The following WDR70 variants were observed in gnomAD, a reference collection of about 807,000 sequenced individuals.
The protein encoded by WDR70 is WD repeat-containing protein 70.
A neutral mutation model predicts 88.6 loss-of-function variants in WDR70; 53 were observed. The ratio of observed to expected loss-of-function variants is 0.60; its 90% CI spans 0.48 to 0.75. WDR70 has a LOEUF of 0.75. Ranked by LOEUF, WDR70 falls within the 30% of genes least tolerant of loss-of-function variation. The pLI, the probability that WDR70 is intolerant of heterozygous loss-of-function variation, is 0.00. For synonymous variants in WDR70, 280 were observed against 270.0 expected (o/e 1.04, Z -0.36); for missense variants, 610 against 823.2 (o/e 0.74, Z 3.17).
At chr5:37,457,902 C>G (rs1052598159) in intron 7 of WDR70, among the ~76,000 whole-genome samples, 4 of 151,150 alleles carry the variant, frequency 2.6e-5, no homozygotes, top group African/African-American at 7.3e-5. Context: ...CTGTCTTGTG[C>G]CAGTTTTCAA....
intron 10 of WDR70, among the ~76,000 whole-genome samples, chr5:37,621,993 C>A (rs1435303347): frequency 6.6e-6 from 1 of 152,156 alleles, no homozygotes; most frequent in Non-Finnish European, 1.5e-5. Context: ...GGAATAGTTT[C>A]CCCATTTCTT....
chr5:37,471,428 T>G (rs1003929729), intron 7 of WDR70, among the ~76,000 whole-genome samples: 5 of 151,910 alleles, frequency 3.3e-5, no homozygotes, highest in Admixed American at 3.3e-4. Context: ...CTCAAATGGT[T>G]AAATCTTTTG....
rs915082465 is a variant in WDR70 at position 37,610,231 on chromosome 5, G to A, written c.1092+4993G>A. Among the ~76,000 whole-genome samples, 19 of 145,576 alleles carry A rather than the reference G, an allele frequency of 1.3e-4. 1 individual carries two copies. The South Asian group carries it at 3.4e-3, about 26-fold the overall frequency. On this transcript the variant is annotated intron_variant, in intron 10 of 17. Transcript: ENST00000265107. The stretch of plus-strand genomic sequence containing the variant: ...CAGTGAGCCGAGATTGTGCCACTGC[G>A]CTCCAGCCTGGGCGACAGAGCAAGA...
At chr5:37,599,373 A>G (rs370907735) in intron 9 of WDR70, among the ~76,000 whole-genome samples, 4 of 152,226 alleles carry the variant, frequency 2.6e-5, no homozygotes, top group Admixed American at 2.6e-4. Flanking sequence ...TTTAAGTTAC[A>G]TGGCTCTGGA....
chr5:37,557,901 A>ATACTCTTTTGAATACTCTTCAAGAG (rs1561900701), intron 9 of WDR70, among the ~76,000 whole-genome samples: 1 of 30,806 alleles, frequency 3.2e-5, no homozygotes, highest in Non-Finnish European at 6.7e-5. Context: ...CTTCAGATTT[A>ATACTCTTTTGAATACTCTTCAAGAG]TACTCTTTTG....
chr5:37,522,067 C>T (rs1741110145), intron 9 of WDR70, among the ~76,000 whole-genome samples: 1 of 152,092 alleles, frequency 6.6e-6, no homozygotes, highest in African/African-American at 2.4e-5. Flanking sequence ...GCCATTATTA[C>T]AGGAGTGAAG....
chr5:37,388,750 A>AG (rs397935032), intron 3 of WDR70, among the ~76,000 whole-genome samples: 12 of 147,268 alleles, frequency 8.1e-5, no homozygotes, highest in Admixed American at 6.8e-5. Context: ...AAAAAAAAAA[A>AG]CAAAAAGAAA....
intron 7 of WDR70, among the ~76,000 whole-genome samples, chr5:37,466,139 G>A (rs1739143248): frequency 6.6e-6 from 1 of 152,168 alleles, no homozygotes; most frequent in Admixed American, 6.5e-5. Context: ...TTTTATATTT[G>A]TGACTGCAAG....
intron 7 of WDR70, among the ~76,000 whole-genome samples, chr5:37,473,071 A>G (rs761000651): frequency 3.3e-5 from 5 of 151,770 alleles, no homozygotes; most frequent in African/African-American, 9.7e-5. Flanking sequence ...TGATTTAACC[A>G]TTTTAGTGGG....
intron 10 of WDR70, among the ~76,000 whole-genome samples, chr5:37,625,530 T>A (rs10042970): frequency 0.11 from 16,213 of 151,986 alleles, 2,792 homozygotes; most frequent in African/African-American, 0.36. Flanking sequence ...TGTTTTTATT[T>A]TTATTGTTTT....
intron 10 of WDR70, among the ~76,000 whole-genome samples, chr5:37,651,618 C>T (rs574430764): frequency 6.6e-6 from 1 of 152,290 alleles, no homozygotes; most frequent in South Asian, 2.1e-4. Flanking sequence ...TCCTCTCCAG[C>T]ATCTGTTGTT....
chr5:37,660,209 G>T (rs904900013), intron 10 of WDR70, among the ~76,000 whole-genome samples: 1 of 151,972 alleles, frequency 6.6e-6, no homozygotes, highest in Non-Finnish European at 1.5e-5. Context: ...AATTTATAAT[G>T]ATTTGTTTTT....
intron 5 of WDR70, among the ~76,000 whole-genome samples, chr5:37,397,393 T>A (rs149427327): frequency 0.12 from 18,145 of 149,522 alleles, 1,096 homozygotes; most frequent in Admixed American, 0.16. Flanking sequence ...CGCTTGAACC[T>A]GGGAGGCAGA....
intron 6 of WDR70, among the ~76,000 whole-genome samples, chr5:37,441,098 G>A (rs1255942355): frequency 2.0e-5 from 3 of 152,154 alleles, no homozygotes; most frequent in African/African-American, 7.2e-5. Context: ...GATGAACACT[G>A]GTGGGGTTAG....
At chr5:37,652,416 A>G (rs1490182039) in intron 10 of WDR70, among the ~76,000 whole-genome samples, 2 of 152,194 alleles carry the variant, frequency 1.3e-5, no homozygotes, top group Non-Finnish European at 2.9e-5. Flanking sequence ...TGCCTTGGCT[A>G]TGTGGGCTCT....
chr5:37,588,768 T>A (rs1356496094), intron 9 of WDR70, among the ~76,000 whole-genome samples: 1 of 151,792 alleles, frequency 6.6e-6, no homozygotes, highest in African/African-American at 2.4e-5. Context: ...TTTATTTATT[T>A]ATTCATTTAT....
rs1003321042 is a variant in WDR70 at position 37,492,938 on chromosome 5, A to G, written c.840+12951A>G. ...GAAAGATCAAAAGATGAGAGTATTC[A>G]GTCACACTGGACTCTTCCAAGAAAT... On this transcript the variant is annotated intron_variant, in intron 8 of 17. Coordinates refer to ENST00000265107, the MANE Select transcript of WDR70 (RefSeq NM_018034.4). Among the ~76,000 whole-genome samples, 6 of 152,324 alleles carry G rather than the reference A, an allele frequency of 3.9e-5. No individual in the cohort carries two copies. In the East Asian group the frequency reaches 7.7e-4, roughly 20 times the overall value.
chr5:37,468,938 C>T (rs1739244943), intron 7 of WDR70, among the ~76,000 whole-genome samples: 1 of 152,114 alleles, frequency 6.6e-6, no homozygotes, highest in Non-Finnish European at 1.5e-5. Flanking sequence ...ACTTGAGTAT[C>T]CTTTGTTATC....
chr5:37,407,718 G>A lies in WDR70; in HGVS notation c.492+11148G>A, dbSNP rs541677515. On this transcript the variant is annotated intron_variant, in intron 5 of 17. Transcript: ENST00000265107. ...GCCTTTTGTCTGTTTTTGTAGAAACGGGGTCTTGCCATGTTGCCTAGGCTG... is the reference window on the plus strand; with the variant it reads ...GCCTTTTGTCTGTTTTTGTAGAAACAGGGTCTTGCCATGTTGCCTAGGCTG... Among the ~76,000 whole-genome samples, 23 of 151,606 alleles carry A rather than the reference G, an allele frequency of 1.5e-4. No individual in the cohort carries two copies. In the East Asian group the frequency reaches 3.9e-3, roughly 26 times the overall value.
Sources: allele counts gnomAD v4.1 joint callset (sites outside exome capture counted in the v4.1 genomes callset), GRCh38; gene constraint gnomAD v4.1.1; transcripts MANE v1.5; gene names NCBI Gene and HGNC (gene_info 2026-07-23, HGNC 2026-07-21).